Variants in RAD50 observed in about 807,000 individuals in gnomAD.
The protein encoded by RAD50 is DNA repair protein RAD50.
Under a neutral mutation model 168.8 loss-of-function variants are expected in RAD50, and 132 were observed. The ratio of observed to expected loss-of-function variants is 0.78; its 90% CI spans 0.68 to 0.90. RAD50 has a LOEUF of 0.90. Ranked by LOEUF, RAD50 falls within the 40% of genes least tolerant of loss-of-function variation. RAD50 has a pLI of 0.00. For synonymous variants in RAD50, 525 were observed against 497.4 expected (o/e 1.06, Z -0.74); for missense variants, 1,347 against 1,534.4 (o/e 0.88, Z 2.04).
chr5:132,565,864 C>T (rs983964228), intron 2 of RAD50, among the ~76,000 whole-genome samples: 14 of 152,126 alleles, frequency 9.2e-5, no homozygotes, highest in African/African-American at 3.4e-4. Context: ...AACTCTGATA[C>T]CATTGGACTC....
Position 132,594,904 on chromosome 5 carries a change from A to G in RAD50, c.1829A>G (p.His610Arg), listed in dbSNP as rs527518431. The G allele has an allele frequency of 3.1e-6, 5 of 1,606,438 alleles. 1 individual carries two copies. In the South Asian group the frequency reaches 5.5e-5, roughly 18 times the overall value. Residue 610 changes from histidine to arginine, a missense_variant, in exon 12 of 25, where the codon CAT (histidine) becomes CGT (arginine). His to Arg is a conservative substitution (Grantham distance 29). This residue lies in a region of RAD50 where 703 missense variants were observed against 767.7 expected (regional missense o/e 0.92). Transcript: ENST00000378823. ...ELASSEQNKN[H>R]INNELKRKEE... ...GCTTCATCTGAGCAGAATAAAAATC[A>G]TATAAATAATGAACTAAAAAGAAAG...
rs1477733449 is a variant in RAD50 at position 132,643,374 on chromosome 5, A to G, written c.*1010A>G. 1 of 246,368 alleles carries G rather than the reference A, an allele frequency of 4.1e-6. No individual in the cohort carries two copies. The highest frequency in any genetic ancestry group is 8.2e-6 in the Non-Finnish European group (1 of 121,492). 15.3% of individuals were successfully genotyped at this position (246,368 alleles called of 1,614,324 possible). A position where few individuals can be genotyped will look rare whatever the true frequency, so the allele number is the denominator to read the frequency against. The stretch of plus-strand genomic sequence containing the variant: ...CATCTTGAATCCTTCCATTCCACAC[A>G]GAATGCAACCAAGTCACACGCTTTT... On this transcript the variant is annotated 3_prime_UTR_variant, in exon 25 of 25. Transcript: ENST00000378823.
At chr5:132,575,327 T>C (rs1167457156) in intron 2 of RAD50, among the ~76,000 whole-genome samples, 2 of 152,168 alleles carry the variant, frequency 1.3e-5, no homozygotes, top group Non-Finnish European at 2.9e-5. Context: ...CTCGTGAGAC[T>C]TACTCACTGT....
At chr5:132,616,152 C>A in intron 20 of RAD50, 22 bp downstream of exon 20, 2 of 1,603,756 alleles carry the variant, frequency 1.2e-6, no homozygotes, top group Non-Finnish European at 1.7e-6. Flanking sequence ...AAATAATCTT[C>A]AGTTTAAATA....
intron 19 of RAD50, among the ~76,000 whole-genome samples, chr5:132,611,179 T>G (rs185683598): frequency 2.7e-5 from 4 of 147,728 alleles, no homozygotes; most frequent in African/African-American, 1.0e-4. Context: ...TCACCTGAGG[T>G]CAGGAGTTCA....
chr5:132,639,028 A>G (rs1364542533), intron 23 of RAD50, among the ~76,000 whole-genome samples: 2 of 152,202 alleles, frequency 1.3e-5, no homozygotes, highest in Non-Finnish European at 2.9e-5. Context: ...TACATTATCT[A>G]ACTCATTTTC....
chr5:132,635,959 C>G (rs568478561), intron 21 of RAD50, among the ~76,000 whole-genome samples: 1 of 152,210 alleles, frequency 6.6e-6, no homozygotes, highest in Non-Finnish European at 1.5e-5. Context: ...TCTACTACTT[C>G]ACAGTCCTTC....
intron 3 of RAD50, among the ~76,000 whole-genome samples, chr5:132,578,524 CTTTT>C (rs903882684): frequency 0.023 from 1,967 of 84,316 alleles, 16 homozygotes; most frequent in African/African-American, 0.084. Context: ...TTTTTTCTTT[CTTTT>C]TTTTTTTTTT....
chr5:132,623,778 AAGACTTCTGGTC>A (rs1284001383), intron 21 of RAD50, among the ~76,000 whole-genome samples: 1 of 152,190 alleles, frequency 6.6e-6, no homozygotes, highest in Non-Finnish European at 1.5e-5. Flanking sequence ...CTTCTCTTCT[AAGACTTCTGGTC>A]AGATACAGCA....
In RAD50 at chr5:132,608,661, T is replaced by C. The variant is rs1060501951; in HGVS notation, c.2765T>C (p.Phe922Ser). The C allele has an allele frequency of 6.2e-7, 1 of 1,600,814 alleles. No individual in the cohort carries two copies. Reference protein sequence around the residue: ...VSPLETTLEKFQQEKEELINK... With the variant: ...VSPLETTLEKSQQEKEELINK... ...CCTTTGGAAACAACATTGGAAAAGT[T>C]CCAGCAAGAAAAAGAAGAATTAATC... Residue 922 changes from phenylalanine to serine, a missense_variant, in exon 17 of 25, where the codon TTC becomes TCC. Transcript: ENST00000378823.
chr5:132,646,092 C>CCAAAA lies in RAD50; in HGVS notation c.*3728_*3729insCAAAA, dbSNP rs1751843194. The CCAAAA allele has an allele frequency of 1.3e-5, 1 of 77,166 alleles. No individual in the cohort carries two copies. Among genetic ancestry groups the CCAAAA allele is most frequent in the African/African-American group, 4.5e-5 (1 of 22,116 alleles). 4.8% of individuals were successfully genotyped at this position (77,166 alleles called of 1,614,324 possible). The stretch of plus-strand genomic sequence containing the variant: ...CAGAGTGAGACCCTGTCTAAAAAGA[C>CCAAAA]AAAAAAAAAAAAAAAAAAAAAGCAG... On this transcript the variant is annotated 3_prime_UTR_variant, in exon 25 of 25. Transcript: ENST00000378823.
At chr5:132,633,844 T>C (rs1751521133) in intron 21 of RAD50, among the ~76,000 whole-genome samples, 1 of 152,180 alleles carries the variant, frequency 6.6e-6, no homozygotes, top group Non-Finnish European at 1.5e-5. Flanking sequence ...CCAAATACTT[T>C]AGCTTTTAAT....
intron 10 of RAD50, 83 bp downstream of exon 10, chr5:132,591,489 G>T: frequency 3.0e-6 from 4 of 1,340,750 alleles, no homozygotes; most frequent in Non-Finnish European, 4.2e-6. Context: ...AGACTATAAG[G>T]TATTAAGTTG....
Position 132,557,110 on chromosome 5 carries a change from A to C in RAD50, c.-215A>C. 4.3e-6 allele frequency: 3 copies of C among 697,498 alleles called. No homozygotes were observed. Among genetic ancestry groups the C allele is most frequent in the Middle Eastern group, 4.1e-4 (1 of 2,442 alleles). The allele number at this position is 697,498 out of a possible 1,614,324, so 43.2% of individuals were successfully genotyped here. On this transcript the variant is annotated 5_prime_UTR_variant, in exon 1 of 25. Coordinates refer to ENST00000378823, the MANE Select transcript of RAD50 (RefSeq NM_005732.4). ...CCTCCGCTCTCCCCACCGGCGGGGA[A>C]AGCAGCTGGTGTGGGAGGAAAGGCT...
At chr5:132,608,592 C>CTT in intron 16 of RAD50, 23 bp from the exon 17 acceptor site, 1 of 1,508,416 alleles carries the variant, frequency 6.6e-7, no homozygotes, top group Non-Finnish European at 9.0e-7. Flanking sequence ...TTATATAATA[C>CTT]TTTATCTTTT....
In RAD50 at chr5:132,601,439, G is replaced by A. The variant is rs186443058; in HGVS notation, c.2208-1861G>A. ...GTATGTATACCTACAGTTCTTCACA[G>A]AGATGTCCCCAGTTTAATAAATGCT... On this transcript the variant is annotated intron_variant, in intron 13 of 24. Transcript: ENST00000378823. 2.1e-4 allele frequency among the ~76,000 whole-genome samples: 32 copies of A among 152,284 alleles called. No individual in the cohort carries two copies. In the East Asian group the frequency reaches 5.8e-3, roughly 27 times the overall value.
chr5:132,626,487 A>G (rs1751374397), intron 21 of RAD50, among the ~76,000 whole-genome samples: 1 of 152,196 alleles, frequency 6.6e-6, no homozygotes, highest in African/African-American at 2.4e-5. Flanking sequence ...AAAAATCTAT[A>G]CTATTATTCA....
intron 22 of RAD50, among the ~76,000 whole-genome samples, chr5:132,637,535 T>C (rs1402057385): frequency 6.6e-6 from 1 of 151,830 alleles, no homozygotes; most frequent in Non-Finnish European, 1.5e-5. Context: ...TTTTCTTTTT[T>C]TTTTTTCCAG....
intron 2 of RAD50, among the ~76,000 whole-genome samples, chr5:132,560,002 G>T (rs1015573704): frequency 6.6e-6 from 1 of 151,910 alleles, no homozygotes; most frequent in African/African-American, 2.4e-5. Flanking sequence ...AAAGGACATA[G>T]AATTTGGTCT....
Sources: allele counts gnomAD v4.1 joint callset (sites outside exome capture counted in the v4.1 genomes callset), GRCh38; gene constraint gnomAD v4.1.1; regional missense constraint gnomAD v4.1.1; transcripts MANE v1.5; gene names NCBI Gene and HGNC (gene_info 2026-07-23, HGNC 2026-07-21).